Variants in TENM3 observed in about 807,000 individuals in gnomAD.
TENM3 encodes the protein teneurin transmembrane protein 3.
TENM3 carries 63 observed loss-of-function variants against 255.1 expected under a neutral mutation model. The observed-to-expected ratio is 0.25, with a 90% CI of 0.20 to 0.30. The LOEUF (loss-of-function observed/expected upper bound fraction) is 0.30. Among genes scored for constraint, TENM3 ranks in the 10% least tolerant of loss-of-function variants. The pLI is 1.00. For missense variants in TENM3, 2,929 were observed against 3,461.1 expected, an observed-to-expected ratio of 0.85 and a Z score of 3.86; for synonymous variants, 1,306 against 1,322.3, an observed-to-expected ratio of 0.99 and a Z score of 0.27.
At chr4:182,297,652 C>A (rs1761581044) in intron 1 of TENM3, among the ~76,000 whole-genome samples, 1 of 152,154 alleles carries the variant, frequency 6.6e-6, no homozygotes, top group African/African-American at 2.4e-5. Flanking sequence ...AAGAATAGCT[C>A]CTGTAGTGTG....
the TENM3 span, among the ~76,000 whole-genome samples, chr4:181,550,179 A>G: frequency 2.0e-5 from 3 of 152,342 alleles, no homozygotes; most frequent in Middle Eastern, 3.4e-3. Flanking sequence ...AAGGGACTAC[A>G]GTAATGTTCA....
In TENM3 at chr4:182,753,500, A is replaced by G. The variant is rs1439431690; in HGVS notation, c.3913A>G (p.Ile1305Val). 6.2e-7 allele frequency: 1 copy of G among 1,613,812 alleles called. No homozygotes were observed. The highest frequency in any genetic ancestry group is 1.3e-5 in the African/African-American group (1 of 74,940). The change falls in exon 21 of 28, where the codon ATT becomes GTT. Residue 1305 changes from isoleucine to valine, a missense_variant. Physicochemically the swap from Ile to Val is conservative, Grantham distance 29. Coordinates refer to ENST00000511685, the MANE Select transcript of TENM3 (RefSeq NM_001080477.4). ...AATCTACTTTGTTGATGGAACCATGATTAGGAAAGTTGACCAAAATGGAAT... is the reference window on the plus strand; with the variant it reads ...AATCTACTTTGTTGATGGAACCATGGTTAGGAAAGTTGACCAAAATGGAAT... ...GLIYFVDGTM[I>V]RKVDQNGIIS...
chr4:181,700,342 T>A, the TENM3 span, among the ~76,000 whole-genome samples: 1 of 152,096 alleles, frequency 6.6e-6, no homozygotes, highest in African/African-American at 2.4e-5. Context: ...TTAATCAAGT[T>A]AAAAAGAATC....
At chr4:182,092,862 A>G in the TENM3 span, among the ~76,000 whole-genome samples, 1 of 152,206 alleles carries the variant, frequency 6.6e-6, no homozygotes, top group Non-Finnish European at 1.5e-5. Context: ...AGGCTTTTCA[A>G]GTACATAGGA....
chr4:182,672,507 G>GTATA (rs2152552066), intron 6 of TENM3, among the ~76,000 whole-genome samples: 1 of 152,144 alleles, frequency 6.6e-6, no homozygotes, highest in Non-Finnish European at 1.5e-5. Flanking sequence ...ATTCATCCTA[G>GTATA]TATATCATTT....
At chr4:181,503,189 AC>A in the TENM3 span, among the ~76,000 whole-genome samples, 1 of 151,648 alleles carries the variant, frequency 6.6e-6, no homozygotes, top group African/African-American at 2.4e-5. Context: ...ACATAGCAAG[AC>A]CCCCATCTCT....
intron 1 of TENM3, among the ~76,000 whole-genome samples, chr4:182,275,394 C>G (rs150917153): frequency 6.6e-6 from 1 of 152,156 alleles, no homozygotes; most frequent in Admixed American, 6.5e-5. Flanking sequence ...ATCTGTTACA[C>G]TGTACTTGCT....
chr4:182,514,151 C>G (rs999251843), intron 3 of TENM3, among the ~76,000 whole-genome samples: 7 of 152,180 alleles, frequency 4.6e-5, no homozygotes, highest in Non-Finnish European at 1.0e-4. Flanking sequence ...CTCTGCTGGC[C>G]TTACTACACC....
At chr4:181,690,726 G>C in the TENM3 span, among the ~76,000 whole-genome samples, 1 of 152,142 alleles carries the variant, frequency 6.6e-6, no homozygotes, top group Non-Finnish European at 1.5e-5. Context: ...GTGAATCACA[G>C]AAAAAGGTAC....
At chr4:181,804,837 C>A in the TENM3 span, among the ~76,000 whole-genome samples, 1 of 152,076 alleles carries the variant, frequency 6.6e-6, no homozygotes, top group African/African-American at 2.4e-5. Context: ...TTGCCAGAAA[C>A]CTGTCTTTCT....
chr4:182,338,294 C>T (rs956709490), intron 2 of TENM3, among the ~76,000 whole-genome samples: 2 of 152,132 alleles, frequency 1.3e-5, no homozygotes, highest in South Asian at 4.1e-4. Flanking sequence ...CCGCTGTCAT[C>T]GCACTATAAT....
chr4:182,731,858 T>G (rs7657671), intron 16 of TENM3, among the ~76,000 whole-genome samples: 8 of 151,652 alleles, frequency 5.3e-5, no homozygotes, highest in Admixed American at 1.3e-4. Flanking sequence ...CTCGGCTCAC[T>G]GCAAGCTCCA....
chr4:181,812,111 A>C, the TENM3 span, among the ~76,000 whole-genome samples: 1 of 152,276 alleles, frequency 6.6e-6, no homozygotes, highest in African/African-American at 2.4e-5. Context: ...CCTAGGTCAA[A>C]ATGACACAAA....
chr4:181,729,605 C>T, the TENM3 span, among the ~76,000 whole-genome samples: 1 of 152,108 alleles, frequency 6.6e-6, no homozygotes, highest in African/African-American at 2.4e-5. Flanking sequence ...AATGAAAACC[C>T]CAAATTTGGT....
chr4:181,998,473 C>T, the TENM3 span, among the ~76,000 whole-genome samples: 7 of 152,166 alleles, frequency 4.6e-5, no homozygotes, highest in African/African-American at 1.4e-4. Context: ...CGTACCCTAG[C>T]CAGGTATCAA....
At chr4:182,204,526 AC>A (rs1329168936) in intron 1 of TENM3, among the ~76,000 whole-genome samples, 6 of 152,046 alleles carry the variant, frequency 3.9e-5, no homozygotes, top group Non-Finnish European at 7.4e-5. Flanking sequence ...CACTGTATAC[AC>A]CCCTGCGTCT....
At chr4:181,792,211 C>T in the TENM3 span, among the ~76,000 whole-genome samples, 1 of 152,156 alleles carries the variant, frequency 6.6e-6, no homozygotes, top group Non-Finnish European at 1.5e-5. Context: ...TTGTTAAGCT[C>T]AGGAGAATAT....
At chr4:182,106,554 A>G in the TENM3 span, among the ~76,000 whole-genome samples, 1 of 152,122 alleles carries the variant, frequency 6.6e-6, no homozygotes. Flanking sequence ...CCATCAAACT[A>G]AATGTCCTAT....
At chr4:181,451,547 A>G in the TENM3 span, among the ~76,000 whole-genome samples, 20,142 of 152,146 alleles carry the variant, frequency 0.13, 1,507 homozygotes, top group East Asian at 0.27. Flanking sequence ...GGAAGATTTT[A>G]CACCAGTTGA....
Sources: allele counts gnomAD v4.1 joint callset (sites outside exome capture counted in the v4.1 genomes callset), GRCh38; gene constraint gnomAD v4.1.1; transcripts MANE v1.5; gene names NCBI Gene and HGNC (gene_info 2026-07-23, HGNC 2026-07-21).